The following ARHGAP24 variants were observed in gnomAD, a reference collection of about 807,000 sequenced individuals.
ARHGAP24 encodes Rho GTPase activating protein 24.
Under a neutral mutation model 76.4 loss-of-function variants are expected in ARHGAP24, and 50 were observed. The observed-to-expected ratio is 0.65, with a 90% CI of 0.52 to 0.83. The LOEUF (loss-of-function observed/expected upper bound fraction) is 0.83. ARHGAP24 is among the 40% of genes least tolerant of loss of function. The pLI is 0.00. For missense variants in ARHGAP24, 930 were observed against 914.2 expected, an observed-to-expected ratio of 1.02 and a Z score of -0.22; for synonymous variants, 345 against 323.3, an observed-to-expected ratio of 1.07 and a Z score of -0.72.
At chr4:85,945,120 A>G (rs1364849704) in intron 5 of ARHGAP24, among the ~76,000 whole-genome samples, 4 of 151,962 alleles carry the variant, frequency 2.6e-5, no homozygotes, top group Admixed American at 6.5e-5. Flanking sequence ...TGCTGGGATT[A>G]TAGGCGTGAG....
chr4:85,957,259 C>T (rs1737974043), intron 5 of ARHGAP24, among the ~76,000 whole-genome samples: 1 of 152,190 alleles, frequency 6.6e-6, no homozygotes, highest in East Asian at 1.9e-4. Context: ...TAAATGTATT[C>T]ACAGTTTTCT....
At chr4:85,643,547 C>G (rs1474119541) in intron 2 of ARHGAP24, among the ~76,000 whole-genome samples, 1 of 77,666 alleles carries the variant, frequency 1.3e-5, no homozygotes, top group African/African-American at 3.6e-5. Context: ...CGTGAGCCAC[C>G]GCGCCCGGCC....
rs74707408 is a variant in ARHGAP24 at position 85,861,386 on chromosome 4, G to A, written c.269-62262G>A. 8.1e-4 allele frequency among the ~76,000 whole-genome samples: 123 copies of A among 152,220 alleles called. 3 individuals are homozygous for A. Among genetic ancestry groups the A allele is most frequent in the Non-Finnish European group, 4.6e-4 (31 of 67,996 alleles). ...TTGTGCATGTTTCCTTAGTCAAAGCGTACGTTTTGTAGATGTTAATCTTAT... is the reference window on the plus strand; with the variant it reads ...TTGTGCATGTTTCCTTAGTCAAAGCATACGTTTTGTAGATGTTAATCTTAT... On this transcript the variant is annotated intron_variant, in intron 3 of 9. Coordinates refer to ENST00000395184, the MANE Select transcript of ARHGAP24 (RefSeq NM_001025616.3).
intron 2 of ARHGAP24, among the ~76,000 whole-genome samples, chr4:85,648,173 GA>G (rs1294549457): frequency 6.6e-6 from 1 of 152,054 alleles, no homozygotes; most frequent in East Asian, 1.9e-4. Flanking sequence ...TCTAAATGTG[GA>G]AACTCCTGAT....
intron 9 of ARHGAP24, among the ~76,000 whole-genome samples, chr4:85,997,354 AATAGATAGATGATAGATATAGATAG>A (rs1281408106): frequency 1.4e-5 from 2 of 139,056 alleles, no homozygotes; most frequent in Non-Finnish European, 3.0e-5. Context: ...AGAGATAGAT[AATAGATAGATGATAGATATAGATAG>A]ATAGATAGAT....
intron 3 of ARHGAP24, among the ~76,000 whole-genome samples, chr4:85,886,938 A>G (rs1733599172): frequency 6.6e-6 from 1 of 152,104 alleles, no homozygotes; most frequent in Non-Finnish European, 1.5e-5. Flanking sequence ...TATTATATAT[A>G]AGCTGTTCAG....
chr4:85,896,156 A>T (rs1302848713), intron 3 of ARHGAP24, among the ~76,000 whole-genome samples: 1 of 152,224 alleles, frequency 6.6e-6, no homozygotes, highest in African/African-American at 2.4e-5. Context: ...ATTTAAACTC[A>T]ATTTCTATGT....
At chr4:85,571,484 T>A (rs1727137342) in intron 2 of ARHGAP24, among the ~76,000 whole-genome samples, 1 of 152,220 alleles carries the variant, frequency 6.6e-6, no homozygotes, top group South Asian at 2.1e-4. Context: ...GATACATACA[T>A]GAGAGAAGAA....
chr4:85,541,066 A>G (rs72967867), intron 1 of ARHGAP24, among the ~76,000 whole-genome samples: 16,554 of 145,446 alleles, frequency 0.11, 2,666 homozygotes, highest in African/African-American at 0.37. Flanking sequence ...TGATACTTTC[A>G]CTGATCCTAT....
intron 3 of ARHGAP24, among the ~76,000 whole-genome samples, chr4:85,822,616 C>T (rs1729525196): frequency 6.6e-6 from 1 of 152,160 alleles, no homozygotes; most frequent in Admixed American, 6.5e-5. Context: ...CGTGTTCATG[C>T]AACACAATAT....
intron 2 of ARHGAP24, chr4:85,570,945 T>C (rs1442661528): frequency 4.1e-6 from 2 of 489,254 alleles, no homozygotes; most frequent in African/African-American, 1.9e-5. Flanking sequence ...AATTTTAATA[T>C]TTACTAAGCC....
At chr4:85,979,350 T>C (rs1054649589) in intron 8 of ARHGAP24, among the ~76,000 whole-genome samples, 1 of 152,192 alleles carries the variant, frequency 6.6e-6, no homozygotes, top group African/African-American at 2.4e-5. Flanking sequence ...AAATGTATCA[T>C]CTTAACCATT....
At chr4:85,487,215 T>A (rs1178031021) in intron 1 of ARHGAP24, among the ~76,000 whole-genome samples, 87 of 134,424 alleles carry the variant, frequency 6.5e-4, no homozygotes, top group African/African-American at 2.4e-3. Flanking sequence ...TTTATATATA[T>A]AAAAATATAT....
intron 2 of ARHGAP24, among the ~76,000 whole-genome samples, chr4:85,630,755 G>T (rs914188056): frequency 1.3e-5 from 2 of 151,696 alleles, no homozygotes; most frequent in Admixed American, 6.6e-5. Context: ...ATAATTTAAA[G>T]AATTATTTAA....
chr4:85,479,602 T>C (rs1021297851), intron 1 of ARHGAP24, among the ~76,000 whole-genome samples: 12 of 152,202 alleles, frequency 7.9e-5, no homozygotes, highest in Non-Finnish European at 1.8e-4. Context: ...AAGGAGAATG[T>C]GGAGCTGGAT....
chr4:85,778,481 G>T (rs189850524), intron 3 of ARHGAP24, among the ~76,000 whole-genome samples: 2 of 152,160 alleles, frequency 1.3e-5, no homozygotes, highest in East Asian at 1.9e-4. Flanking sequence ...CTAACTAGCC[G>T]TGTGAGTGAC....
intron 3 of ARHGAP24, among the ~76,000 whole-genome samples, chr4:85,896,343 A>T (rs1439048188): frequency 6.6e-6 from 1 of 152,140 alleles, no homozygotes; most frequent in African/African-American, 2.4e-5. Context: ...TTCTTCCCTG[A>T]TCTTGAATAA....
chr4:85,888,939 T>C (rs1376006835), intron 3 of ARHGAP24, among the ~76,000 whole-genome samples: 5 of 152,216 alleles, frequency 3.3e-5, no homozygotes. Flanking sequence ...TTCATGTCCC[T>C]GCAAAGGACA....
At chr4:85,599,218 G>T (rs1211306281) in intron 2 of ARHGAP24, among the ~76,000 whole-genome samples, 1 of 152,080 alleles carries the variant, frequency 6.6e-6, no homozygotes, top group Admixed American at 6.6e-5. Context: ...TTAGAAGAAG[G>T]AGTTGGCATA....
Sources: gnomAD v4.1 joint callset for allele counts (sites outside exome capture counted in the v4.1 genomes callset) on GRCh38, gnomAD v4.1.1 for gene constraint, MANE v1.5 for transcripts, NCBI Gene and HGNC (gene_info 2026-07-23, HGNC 2026-07-21) for gene names.